Variants in NLRP14 observed in about 807,000 individuals in gnomAD.
The protein encoded by NLRP14 is NLR family pyrin domain containing 14, also known as NACHT, LRR and PYD domains-containing protein 14.
In NLRP14, 105 loss-of-function variants were observed where a neutral mutation model predicts 94.7. The ratio of observed to expected loss-of-function variants is 1.11; its 90% CI spans 0.95 to 1.30. NLRP14 has a LOEUF of 1.30. NLRP14 is among the 50% of genes most tolerant of loss of function. The pLI is 0.00. For missense variants in NLRP14, 1,362 were observed against 1,254.1 expected (o/e 1.09, Z -1.30); for synonymous variants, 508 against 459.9 (o/e 1.10, Z -1.34).
chr11:7,075,191 G>T (rs1342892838), downstream of NLRP14, among the ~76,000 whole-genome samples: 2 of 152,060 alleles, frequency 1.3e-5, no homozygotes, highest in Non-Finnish European at 2.9e-5. Context: ...GGCCAACTGG[G>T]GATCCATTCA....
At chr11:7,028,704 T>C (rs1184158959) in intron 1 of NLRP14, among the ~76,000 whole-genome samples, 1 of 152,184 alleles carries the variant, frequency 6.6e-6, no homozygotes, top group Non-Finnish European at 1.5e-5. Flanking sequence ...TTCGCTGCCT[T>C]ATCCCATATT....
At chr11:7,088,792 T>A in the NLRP14 span, among the ~76,000 whole-genome samples, 11 of 152,090 alleles carry the variant, frequency 7.2e-5, no homozygotes, top group South Asian at 4.1e-4. Flanking sequence ...TAGAAAAAAA[T>A]TTTTTTCCAC....
At chr11:7,088,889 GAC>G in the NLRP14 span, 1 of 571,734 alleles carries the variant, frequency 1.7e-6, no homozygotes, top group Non-Finnish European at 3.1e-6. Context: ...CTGAAAAGGA[GAC>G]ACAAAACTGC....
intron 8 of NLRP14, 74 bp downstream of exon 8, chr11:7,058,524 T>C: frequency 1.8e-6 from 2 of 1,137,488 alleles, no homozygotes; most frequent in Non-Finnish European, 2.6e-6. Context: ...TAAAATATTA[T>C]GAACACATTC....
the NLRP14 span, among the ~76,000 whole-genome samples, chr11:7,088,774 A>T: frequency 6.6e-6 from 1 of 152,192 alleles, no homozygotes; most frequent in Non-Finnish European, 1.5e-5. Flanking sequence ...TGTTCTCATT[A>T]AAACTAATAG....
chr11:7,071,134 A>G (rs1852789668), intron 11 of NLRP14, 39 bp from the exon 12 acceptor site: 2 of 1,613,114 alleles, frequency 1.2e-6, no homozygotes, highest in East Asian at 4.5e-5. Flanking sequence ...CTGTAGGGAA[A>G]TTGAATGCAG....
At chr11:7,072,370 C>T (rs535944749), downstream of NLRP14, among the ~76,000 whole-genome samples, 1 of 152,210 alleles carries the variant, frequency 6.6e-6, no homozygotes, top group African/African-American at 2.4e-5. Flanking sequence ...CAATTTTGAT[C>T]CTTGCCCCCT....
chr11:7,089,267 G>T, the NLRP14 span: 2 of 1,610,138 alleles, frequency 1.2e-6, no homozygotes, highest in Non-Finnish European at 1.7e-6. Flanking sequence ...ACAAGTCGAG[G>T]GGCTTCGCGT....
intron 4 of NLRP14, 56 bp from the exon 5 acceptor site, chr11:7,046,612 G>T: frequency 1.3e-6 from 2 of 1,504,068 alleles, no homozygotes; most frequent in Non-Finnish European, 1.9e-6. Context: ...TCTGAGAGTT[G>T]GCTAGGCTGA....
At chr11:7,071,899 G>T (rs960837084), downstream of NLRP14, among the ~76,000 whole-genome samples, 7 of 152,070 alleles carry the variant, frequency 4.6e-5, no homozygotes, top group Admixed American at 2.6e-4. Flanking sequence ...AATAGAAATG[G>T]GAGTCTACTT....
chr11:7,031,908 C>A (rs1303835123), intron 1 of NLRP14, among the ~76,000 whole-genome samples: 2 of 152,168 alleles, frequency 1.3e-5, no homozygotes, highest in African/African-American at 4.8e-5. Context: ...CATGCTTGCT[C>A]CCGGCGTTGG....
chr11:7,083,212 G>C, the NLRP14 span, among the ~76,000 whole-genome samples: 1 of 152,166 alleles, frequency 6.6e-6, no homozygotes, highest in Non-Finnish European at 1.5e-5. Flanking sequence ...TTGAGTGTGA[G>C]CACACATTTG....
At chr11:7,022,566 AC>A (rs1226089060) in intron 1 of NLRP14, among the ~76,000 whole-genome samples, 1 of 152,238 alleles carries the variant, frequency 6.6e-6, no homozygotes, top group Non-Finnish European at 1.5e-5. Flanking sequence ...TAAGCAGCCA[AC>A]CTAAAACTTG....
At chr11:7,028,621 A>G (rs980415850) in intron 1 of NLRP14, among the ~76,000 whole-genome samples, 9 of 152,172 alleles carry the variant, frequency 5.9e-5, no homozygotes, top group African/African-American at 2.2e-4. Context: ...ACAGTGACAT[A>G]TAGAGCTCTA....
chr11:7,024,104 C>T (rs1851982422), intron 1 of NLRP14, among the ~76,000 whole-genome samples: 1 of 151,954 alleles, frequency 6.6e-6, no homozygotes. Flanking sequence ...GAGCAAAGAT[C>T]AATATGTGAA....
chr11:7,041,176 G>A (rs1259555697), intron 3 of NLRP14, among the ~76,000 whole-genome samples: 3 of 151,954 alleles, frequency 2.0e-5, no homozygotes, highest in African/African-American at 7.2e-5. Flanking sequence ...TCTTCTCCCT[G>A]CCTGGCCAAT....
At chr11:7,074,198 C>T (rs1852842660), downstream of NLRP14, among the ~76,000 whole-genome samples, 2 of 152,138 alleles carry the variant, frequency 1.3e-5, no homozygotes, top group Admixed American at 1.3e-4. Flanking sequence ...GGAGAATAGA[C>T]CTTGGCAGTC....
intron 9 of NLRP14, among the ~76,000 whole-genome samples, chr11:7,061,265 C>A (rs1417891968): frequency 6.6e-6 from 1 of 152,078 alleles, no homozygotes; most frequent in Non-Finnish European, 1.5e-5. Flanking sequence ...ACATGGGTTA[C>A]TATGTGATTC....
At chr11:7,026,140 C>A (rs1042567404) in intron 1 of NLRP14, among the ~76,000 whole-genome samples, 18 of 152,036 alleles carry the variant, frequency 1.2e-4, no homozygotes, top group African/African-American at 4.1e-4. Context: ...GCAACAAAAG[C>A]CAAAATTGAC....
Sources: gnomAD v4.1 joint callset for allele counts (sites outside exome capture counted in the v4.1 genomes callset) on GRCh38, gnomAD v4.1.1 for gene constraint, MANE v1.5 for transcripts, NCBI Gene and HGNC (gene_info 2026-07-23, HGNC 2026-07-21) for gene names.